The following TMEFF1 variants were observed in gnomAD, a reference collection of about 807,000 sequenced individuals.
TMEFF1 encodes transmembrane protein with EGF like and two follistatin like domains 1.
A neutral mutation model predicts 47.5 loss-of-function variants in TMEFF1; 20 were observed. The observed-to-expected ratio is 0.42, with a 90% CI of 0.30 to 0.61. The LOEUF (loss-of-function observed/expected upper bound fraction) is 0.61. Ranked by LOEUF, TMEFF1 falls within the 20% of genes least tolerant of loss-of-function variation. The pLI is 0.19. For missense variants in TMEFF1, 411 were observed against 471.1 expected (o/e 0.87, Z 1.18); for synonymous variants, 162 against 166.3 (o/e 0.97, Z 0.20).
chr9:100,478,384 A>C (rs1321430001), intron 1 of TMEFF1, among the ~76,000 whole-genome samples: 2 of 152,098 alleles, frequency 1.3e-5, no homozygotes, highest in Non-Finnish European at 2.9e-5. Context: ...GTAGTGACGC[A>C]ATCTCAGCTT....
intron 1 of TMEFF1, among the ~76,000 whole-genome samples, chr9:100,483,454 A>C (rs891821597): frequency 6.6e-6 from 1 of 152,116 alleles, no homozygotes; most frequent in Non-Finnish European, 1.5e-5. Context: ...CCGAGATCGC[A>C]CCGTTGCACT....
intron 1 of TMEFF1, among the ~76,000 whole-genome samples, chr9:100,493,906 G>T (rs1388606322): frequency 6.6e-6 from 1 of 152,168 alleles, no homozygotes; most frequent in Non-Finnish European, 1.5e-5. Flanking sequence ...AAATCAGCTG[G>T]GTGTGGTGGC....
chr9:100,487,835 GTTACTT>G (rs899557412), intron 1 of TMEFF1, among the ~76,000 whole-genome samples: 6 of 151,368 alleles, frequency 4.0e-5, no homozygotes, highest in Non-Finnish European at 5.9e-5. Context: ...AGATCATATA[GTTACTT>G]TTACTTAATC....
chr9:100,490,700 G>GT (rs11313000), intron 1 of TMEFF1, among the ~76,000 whole-genome samples: 11 of 147,054 alleles, frequency 7.5e-5, no homozygotes, highest in African/African-American at 5.0e-5. Context: ...TCACATTGAG[G>GT]TTTTTTTTTT....
intron 5 of TMEFF1, among the ~76,000 whole-genome samples, chr9:100,523,044 T>C (rs1296914159): frequency 6.6e-6 from 1 of 152,208 alleles, no homozygotes; most frequent in Non-Finnish European, 1.5e-5. Flanking sequence ...AGCCCAGAAA[T>C]ACCTTCTTAA....
At chr9:100,533,033 A>C (rs1838424152) in intron 5 of TMEFF1, among the ~76,000 whole-genome samples, 1 of 146,634 alleles carries the variant, frequency 6.8e-6, no homozygotes, top group Non-Finnish European at 1.5e-5. Flanking sequence ...GTGGGAATTG[A>C]ACAATGAGAT....
At chr9:100,498,738 A>T in intron 1 of TMEFF1, 27 bp from the exon 2 acceptor site, 1 of 1,610,368 alleles carries the variant, frequency 6.2e-7, no homozygotes, top group South Asian at 1.1e-5. Context: ...CCAAATATAT[A>T]TGTCAAACAA....
chr9:100,484,277 C>G (rs1288820250), intron 1 of TMEFF1, among the ~76,000 whole-genome samples: 1 of 151,806 alleles, frequency 6.6e-6, no homozygotes, highest in Non-Finnish European at 1.5e-5. Flanking sequence ...ACTATAGTCA[C>G]AAGGTTGTGG....
At chr9:100,475,863 C>T (rs1018539538) in intron 1 of TMEFF1, among the ~76,000 whole-genome samples, 21 of 149,188 alleles carry the variant, frequency 1.4e-4, no homozygotes, top group African/African-American at 4.4e-4. Flanking sequence ...GGTGTGTGTG[C>T]GTGTGAAGCC....
At chr9:100,498,651 G>A (rs1411475972) in intron 1 of TMEFF1, 114 bp from the exon 2 acceptor site, 3 of 848,448 alleles carry the variant, frequency 3.5e-6, no homozygotes, top group Non-Finnish European at 5.4e-6. Flanking sequence ...ACTTCTGAAT[G>A]GGGGGGCTCA....
intron 3 of TMEFF1, among the ~76,000 whole-genome samples, chr9:100,512,075 G>A (rs1564014318): frequency 6.6e-6 from 1 of 152,092 alleles, no homozygotes; most frequent in Non-Finnish European, 1.5e-5. Context: ...CATGGTGCCT[G>A]GCACATAATA....
intron 1 of TMEFF1, among the ~76,000 whole-genome samples, chr9:100,498,191 T>G (rs1417366553): frequency 6.6e-6 from 1 of 152,164 alleles, no homozygotes; most frequent in African/African-American, 2.4e-5. Flanking sequence ...TTAAGTCTAG[T>G]AAGATTTTGA....
chr9:100,531,412 C>T (rs1269779731), intron 5 of TMEFF1, among the ~76,000 whole-genome samples: 1 of 152,114 alleles, frequency 6.6e-6, no homozygotes, highest in Non-Finnish European at 1.5e-5. Context: ...AATCAGTGTA[C>T]AAAAATCACA....
At chr9:100,509,282 C>T in intron 3 of TMEFF1, 148 bp downstream of exon 3, 1 of 1,203,650 alleles carries the variant, frequency 8.3e-7, no homozygotes, top group Non-Finnish European at 1.1e-6. Context: ...TTTTTGCCCT[C>T]ATTTCAGGTT....
At chr9:100,575,224 C>A (rs897264919) in intron 9 of TMEFF1, among the ~76,000 whole-genome samples, 5 of 152,162 alleles carry the variant, frequency 3.3e-5, no homozygotes, top group Non-Finnish European at 7.3e-5. Context: ...GAGGAATCTT[C>A]TTTAAAAGGA....
At chr9:100,518,344 G>C in intron 5 of TMEFF1, 1 of 683,264 alleles carries the variant, frequency 1.5e-6, no homozygotes, top group Non-Finnish European at 1.8e-6. Flanking sequence ...CCCAATCAGA[G>C]CAACTCTGTT....
chr9:100,473,379 GGGCCT>G lies in TMEFF1; in HGVS notation c.-162_-158del. On this transcript the variant is annotated 5_prime_UTR_variant, in exon 1 of 10. Coordinates refer to ENST00000374879, the MANE Select transcript of TMEFF1 (RefSeq NM_003692.5). The surrounding 1 kb of genome is among the most constrained non-coding windows in gnomAD (Gnocchi z 5.4). ...ACTCCGTCCCGAGCGCCGCGGGCCC[GGGCCT>G]GGCGGACGCTGCGGGTGGGGCGGGG... 2.3e-6 allele frequency: 1 copy of G among 426,176 alleles called. No homozygotes were observed. Among genetic ancestry groups the G allele is most frequent in the East Asian group, 5.1e-5 (1 of 19,524 alleles). 26.4% of individuals were successfully genotyped at this position (426,176 alleles called of 1,614,324 possible).
intron 5 of TMEFF1, among the ~76,000 whole-genome samples, chr9:100,539,564 G>A (rs574060075): frequency 1.3e-5 from 2 of 151,960 alleles, no homozygotes; most frequent in African/African-American, 4.8e-5. Flanking sequence ...GGAGTTGTTC[G>A]TTCCTTCTGG....
intron 1 of TMEFF1, among the ~76,000 whole-genome samples, chr9:100,493,021 A>C (rs1029313523): frequency 2.6e-5 from 4 of 152,074 alleles, no homozygotes; most frequent in Admixed American, 2.6e-4. Flanking sequence ...TTAGATGTAA[A>C]GTGTTTGCTT....
Sources: allele counts gnomAD v4.1 joint callset (sites outside exome capture counted in the v4.1 genomes callset), GRCh38; gene constraint gnomAD v4.1.1; non-coding constraint Gnocchi (gnomAD v3.1); transcripts MANE v1.5; gene names NCBI Gene and HGNC (gene_info 2026-07-23, HGNC 2026-07-21).